The following PIN4 variants were observed in gnomAD, a reference collection of about 807,000 sequenced individuals.
PIN4 encodes the protein peptidylprolyl cis/trans isomerase, NIMA-interacting 4, also known as peptidyl-prolyl cis-trans isomerase NIMA-interacting 4.
A neutral mutation model predicts 8.3 loss-of-function variants in PIN4; 3 were observed. The observed-to-expected ratio is 0.36, with a 90% CI of 0.16 to 0.93. The LOEUF (loss-of-function observed/expected upper bound fraction) is 0.93. Among genes scored for constraint, PIN4 ranks in the 40% least tolerant of loss-of-function variants. The pLI is 0.44. For synonymous variants in PIN4, 18 were observed against 32.5 expected (o/e 0.55, Z 1.52); for missense variants, 75 against 100.6 (o/e 0.75, Z 1.09).
downstream of PIN4, among the ~76,000 whole-genome samples, chrX:72,200,084 T>A (rs1178057555): frequency 1.8e-5 from 2 of 108,641 alleles, no homozygotes; most frequent in Non-Finnish European, 3.8e-5. Context: ...GAGAATTGCT[T>A]CAACCTGGGA....
rs199674996 is a variant in PIN4 at position 72,232,703 on chromosome X, AG to A, written c.313-30002del. On this transcript the variant is annotated intron_variant, in intron 3 of 3. Coordinates refer to the PIN4 transcript ENST00000423432. ...CACCCACCTGTAATCCCAGCTACTC[AG>A]GAGGCTGAGGCAGGAGAATCACTTG... Among the ~76,000 whole-genome samples, 669 of 111,744 alleles carry A rather than the reference AG, an allele frequency of 6.0e-3. 5 individuals are homozygous for A. The highest frequency in any genetic ancestry group is 0.02 in the African/African-American group (619 of 30,831).
intron 1 of PIN4, among the ~76,000 whole-genome samples, chrX:72,185,153 A>AAAAAAACAAAC (rs2042694528): frequency 9.7e-6 from 1 of 102,996 alleles, no homozygotes; most frequent in Non-Finnish European, 2.0e-5. Context: ...GTCTCAAAAA[A>AAAAAAACAAAC]AAAAAAAAAA....
rs765734663 is a variant in PIN4 at position 72,208,641 on chromosome X, T to G, written c.312+11737T>G. 6 of 1,209,576 alleles carry G rather than the reference T, an allele frequency of 5.0e-6. No homozygotes were observed. The South Asian group carries it at 1.1e-4, about 21-fold the overall frequency. ...AAATGTCCTTTGCCAAATTGAAAAG[T>G]TTAAATGCTTCTTCCAGGTCTCCAT... On this transcript the variant is annotated intron_variant, in intron 3 of 3. Coordinates refer to the PIN4 transcript ENST00000423432.
Position 72,185,157 on chromosome X carries a change from A to AC in PIN4, c.44-1304_44-1303insC, listed in dbSNP as rs1284916553. Among the ~76,000 whole-genome samples the AC allele has an allele frequency of 5.5e-4, 57 of 103,960 alleles. 3 individuals carry two copies. In the South Asian group the frequency reaches 0.024, roughly 43 times the overall value. The allele number at this position is 103,960 out of a possible 115,157, so 90.3% of individuals were successfully genotyped here. The stretch of plus-strand genomic sequence containing the variant: ...AGCGAGACTCCGTCTCAAAAAAAAA[A>AC]AAAAAAAAACAACTTTTCAATGGCT... On this transcript the variant is annotated intron_variant, in intron 1 of 3. Coordinates refer to ENST00000373669, the MANE Select transcript of PIN4 (RefSeq NM_006223.4).
chrX:72,262,782 CA>C lies in PIN4; in HGVS notation c.391del (p.Thr131ProfsTer12). On this transcript the variant is annotated frameshift_variant, in exon 4 of 4. Transcript: ENST00000423432. LOFTEE classifies it high-confidence loss of function. ...CCTCATCTCATTGGTATCATATTTA[CA>C]AACCACCCCTTAAAGTGGATTATTT... is the stretch of plus-strand genomic sequence containing the variant. 1 of 1,107,106 alleles carries C rather than the reference CA, an allele frequency of 9.0e-7. No homozygotes were observed. Among genetic ancestry groups the C allele is most frequent in the Non-Finnish European group, 1.2e-6 (1 of 827,725 alleles). 91.2% of individuals were successfully genotyped at this position (1,107,106 alleles called of 1,213,427 possible). A position where few individuals can be genotyped will look rare whatever the true frequency, so the allele number is the denominator to read the frequency against.
At position 72,186,547 on chromosome X, in the gene PIN4, T is replaced by C. The variant is rs779070644; in HGVS notation, c.117+13T>C. 52 of 1,087,322 alleles carry C rather than the reference T, an allele frequency of 4.8e-5. No homozygotes were observed. The South Asian group carries it at 9.9e-4, about 21-fold the overall frequency. The allele number at this position is 1,087,322 out of a possible 1,213,427, so 89.6% of individuals were successfully genotyped here. On this transcript the variant is annotated intron_variant, in intron 2 of 3. Transcript: ENST00000373669. ...CAATGCAGTAAAGGTGAGTTACTGGTTCCTTTTTTTCCATGTTAAATATAA... is the reference window on the plus strand; with the variant it reads ...CAATGCAGTAAAGGTGAGTTACTGGCTCCTTTTTTTCCATGTTAAATATAA...
intron 3 of PIN4, among the ~76,000 whole-genome samples, chrX:72,222,482 C>T (rs1000381258): frequency 6.3e-5 from 7 of 110,889 alleles, no homozygotes; most frequent in African/African-American, 2.0e-4. Flanking sequence ...TGGCATCAGG[C>T]GACAGAACCA....
intron 3 of PIN4, among the ~76,000 whole-genome samples, chrX:72,231,048 T>G (rs751187512): frequency 8.9e-6 from 1 of 112,082 alleles, no homozygotes; most frequent in East Asian, 2.8e-4. Context: ...AAAGTTACCA[T>G]ATGATCCAGC....
intron 3 of PIN4, among the ~76,000 whole-genome samples, chrX:72,242,354 C>T (rs2043052383): frequency 8.9e-6 from 1 of 111,886 alleles, no homozygotes; most frequent in African/African-American, 3.2e-5. Context: ...GCTCTGGCTG[C>T]TCCTCCCCTC....
At chrX:72,244,642 A>C (rs2043060805) in intron 3 of PIN4, among the ~76,000 whole-genome samples, 1 of 111,805 alleles carries the variant, frequency 8.9e-6, no homozygotes, top group Non-Finnish European at 1.9e-5. Flanking sequence ...AGGTACCTTC[A>C]ATCCCAACCC....
intron 2 of PIN4, 118 bp from the exon 3 acceptor site, chrX:72,196,667 T>G (rs1198010777): frequency 3.6e-6 from 2 of 554,665 alleles, no homozygotes; most frequent in Non-Finnish European, 5.6e-6. Context: ...GGATTTTTAC[T>G]TGCTATGAAC....
chrX:72,220,095 G>GT (rs1320152168), intron 3 of PIN4, among the ~76,000 whole-genome samples: 1 of 110,320 alleles, frequency 9.1e-6, no homozygotes, highest in Non-Finnish European at 1.9e-5. Flanking sequence ...TTTGTCAAAT[G>GT]TTTTTTTCTG....
In PIN4 at chrX:72,197,901, C is replaced by T; in HGVS notation, c.*375C>T. 2 of 752,622 alleles carry T rather than the reference C, an allele frequency of 2.7e-6. No individual in the cohort carries two copies. Among genetic ancestry groups the T allele is most frequent in the Non-Finnish European group, 3.2e-6 (2 of 633,456 alleles). 62.0% of individuals were successfully genotyped at this position (752,622 alleles called of 1,213,427 possible). ...TATTCACACAACTGAAAATATTGGG[C>T]ATCAAATAGATTAGTGTGTGAGAAT... On this transcript the variant is annotated 3_prime_UTR_variant, in exon 4 of 4. Transcript: ENST00000373669.
At chrX:72,186,619 A>G (rs1165828371) in intron 2 of PIN4, 85 bp downstream of exon 2, 2 of 616,697 alleles carry the variant, frequency 3.2e-6, no homozygotes, top group African/African-American at 4.5e-5. Flanking sequence ...TGCTTAACTC[A>G]TTCTAACAGG....
chrX:72,220,785 C>T lies in PIN4; in HGVS notation c.312+23881C>T, dbSNP rs149885849. On this transcript the variant is annotated intron_variant, in intron 3 of 3. Coordinates refer to the PIN4 transcript ENST00000423432. ...AGTCTGTAAGAGAAAGCACTCCTGA[C>T]CAAAATTGGCCAGAAACCCCTCTCA... Among the ~76,000 whole-genome samples, 401 of 111,973 alleles carry T rather than the reference C, an allele frequency of 3.6e-3. 2 individuals carry two copies. The highest frequency in any genetic ancestry group is 0.013 in the African/African-American group (386 of 30,849).
At chrX:72,207,428 T>C in intron 3 of PIN4, 1 of 1,211,433 alleles carries the variant, frequency 8.3e-7, no homozygotes. Context: ...ACTTGATCAA[T>C]ATGGTCCACA....
At chrX:72,260,058 C>T (rs756928848) in intron 3 of PIN4, among the ~76,000 whole-genome samples, 30 of 111,063 alleles carry the variant, frequency 2.7e-4, no homozygotes, top group Non-Finnish European at 5.1e-4. Context: ...TATCCTTAAC[C>T]GCTATGCTGT....
chrX:72,253,971 A>G (rs2043098177), intron 3 of PIN4, among the ~76,000 whole-genome samples: 1 of 110,559 alleles, frequency 9.0e-6, no homozygotes, highest in African/African-American at 3.3e-5. Context: ...TAAAAAAAGA[A>G]AAAAAATAAA....
At chrX:72,195,566 C>T (rs1206914375) in intron 2 of PIN4, among the ~76,000 whole-genome samples, 3 of 110,404 alleles carry the variant, frequency 2.7e-5, no homozygotes, top group Admixed American at 9.7e-5. Context: ...TGCTTGAACC[C>T]GTGGGTGGAG....
Sources: gnomAD v4.1 joint callset for allele counts (sites outside exome capture counted in the v4.1 genomes callset) on GRCh38, gnomAD v4.1.1 for gene constraint, MANE v1.5 for transcripts, NCBI Gene and HGNC (gene_info 2026-07-23, HGNC 2026-07-21) for gene names.